NDUFB3: variants seen among roughly 807,000 people sequenced by gnomAD.
NDUFB3 encodes NADH dehydrogenase [ubiquinone] 1 beta subcomplex subunit 3.
Under a neutral mutation model 9.0 loss-of-function variants are expected in NDUFB3, and 7 were observed. The observed-to-expected ratio is 0.78, with a 90% CI of 0.44 to 1.46. The LOEUF is 1.46. Ranked by LOEUF, NDUFB3 falls within the 40% of genes most tolerant of loss-of-function variation. The pLI, the probability that NDUFB3 is intolerant of heterozygous loss-of-function variation, is 0.01. For synonymous variants in NDUFB3, 29 were observed against 38.5 expected (o/e 0.75, Z 0.91); for missense variants, 93 against 115.4 (o/e 0.81, Z 0.89).
intron 1 of NDUFB3, among the ~76,000 whole-genome samples, chr2:201,073,470 TA>T (rs1187485935): frequency 6.6e-6 from 1 of 152,178 alleles, no homozygotes; most frequent in Non-Finnish European, 1.5e-5. Context: ...AAGGTTCTTT[TA>T]AAAACATATT....
At chr2:201,078,030 C>T (rs1054130679) in intron 1 of NDUFB3, among the ~76,000 whole-genome samples, 21 of 151,956 alleles carry the variant, frequency 1.4e-4, no homozygotes, top group African/African-American at 4.3e-4. Context: ...GGGCCGGGTG[C>T]GGTGGCTCAC....
intron 1 of NDUFB3, among the ~76,000 whole-genome samples, chr2:201,072,882 CAG>C (rs1419590480): frequency 1.3e-5 from 2 of 152,038 alleles, no homozygotes; most frequent in African/African-American, 4.8e-5. Context: ...GCAGTCTTAA[CAG>C]GGGTGATTTT....
At chr2:201,081,797 C>T (rs1316091460) in intron 2 of NDUFB3, among the ~76,000 whole-genome samples, 2 of 150,132 alleles carry the variant, frequency 1.3e-5, no homozygotes, top group Non-Finnish European at 3.0e-5. Flanking sequence ...TACAGACGTG[C>T]ACCACCACGC....
intron 2 of NDUFB3, among the ~76,000 whole-genome samples, chr2:201,082,596 A>T (rs2047239465): frequency 6.6e-6 from 1 of 152,014 alleles, no homozygotes; most frequent in African/African-American, 2.4e-5. Context: ...GCTATTGTAA[A>T]TAGTATTTTA....
intron 1 of NDUFB3, among the ~76,000 whole-genome samples, chr2:201,073,623 C>T (rs936055731): frequency 6.6e-6 from 1 of 152,006 alleles, no homozygotes; most frequent in Non-Finnish European, 1.5e-5. Context: ...AAAAAATTAG[C>T]CGGGTGTGGT....
intron 2 of NDUFB3, among the ~76,000 whole-genome samples, chr2:201,083,441 G>C (rs2047254730): frequency 6.9e-6 from 1 of 145,044 alleles, no homozygotes; most frequent in Admixed American, 7.3e-5. Flanking sequence ...CGCAACCTCT[G>C]CCTACCAGGT....
intron 1 of NDUFB3, among the ~76,000 whole-genome samples, chr2:201,074,342 C>T (rs2047135312): frequency 6.6e-6 from 1 of 151,894 alleles, no homozygotes; most frequent in Admixed American, 6.6e-5. Context: ...TCCCAGTTCC[C>T]AACTGCACCA....
chr2:201,079,907 G>A (rs1046247187), intron 2 of NDUFB3: 6 of 152,132 alleles, frequency 3.9e-5, no homozygotes, highest in Admixed American at 2.0e-4. Flanking sequence ...CCCTGTGCAA[G>A]GATTTAAAAC....
At position 201,076,455 on chromosome 2, in the gene NDUFB3, A is replaced by G. The variant is rs537963439; in HGVS notation, c.-2-2426A>G. On this transcript the variant is annotated intron_variant, in intron 1 of 2. Coordinates refer to ENST00000237889, the MANE Select transcript of NDUFB3 (RefSeq NM_002491.3). ...CAGGAGTTTGAGGCTGCAGTGAGCT[A>G]TGATCCAGAGCAAGACCCTCTATCT... Among the ~76,000 whole-genome samples the G allele has an allele frequency of 1.0e-3, 153 of 146,998 alleles. 1 individual carries two copies. Among genetic ancestry groups the G allele is most frequent in the African/African-American group, 3.7e-3 (148 of 40,104 alleles).
At chr2:201,081,805 C>G (rs1236454292) in intron 2 of NDUFB3, among the ~76,000 whole-genome samples, 1 of 148,060 alleles carries the variant, frequency 6.8e-6, no homozygotes, top group African/African-American at 2.5e-5. Flanking sequence ...TGCACCACCA[C>G]GCCCAGCTAA....
intron 1 of NDUFB3, chr2:201,072,327 T>C (rs963456997): frequency 6.6e-6 from 1 of 152,196 alleles, no homozygotes; most frequent in Non-Finnish European, 1.5e-5. Flanking sequence ...TGTTTGCCTT[T>C]GGATCGCAAA....
intron 1 of NDUFB3, 39 bp downstream of exon 1, chr2:201,072,098 T>C (rs926442830): frequency 6.6e-6 from 1 of 152,202 alleles, no homozygotes; most frequent in African/African-American, 2.4e-5. Flanking sequence ...TTGATTAGGA[T>C]TAAGAGCTAG....
At chr2:201,082,381 C>G (rs944104193) in intron 2 of NDUFB3, among the ~76,000 whole-genome samples, 7 of 151,984 alleles carry the variant, frequency 4.6e-5, no homozygotes, top group Non-Finnish European at 1.0e-4. Flanking sequence ...CCTCCCACCT[C>G]AGCCTCCCGA....
chr2:201,084,514 G>A (rs1202197843), intron 2 of NDUFB3, among the ~76,000 whole-genome samples: 1 of 151,320 alleles, frequency 6.6e-6, no homozygotes, highest in Admixed American at 6.6e-5. Context: ...GTGTGTGCCT[G>A]TAATCCCAGC....
At chr2:201,074,282 C>T (rs201251422) in intron 1 of NDUFB3, among the ~76,000 whole-genome samples, 30 of 151,816 alleles carry the variant, frequency 2.0e-4, no homozygotes, top group East Asian at 1.8e-3. Context: ...TTTCTAATAA[C>T]GATTTGATCA....
chr2:201,076,475 C>G (rs1415292719), intron 1 of NDUFB3, among the ~76,000 whole-genome samples: 1 of 111,896 alleles, frequency 8.9e-6, no homozygotes, highest in African/African-American at 3.5e-5. Flanking sequence ...GCAAGACCCT[C>G]TATCTTTAAA....
At chr2:201,076,380 A>C (rs2047162840) in intron 1 of NDUFB3, among the ~76,000 whole-genome samples, 1 of 150,266 alleles carries the variant, frequency 6.7e-6, no homozygotes, top group South Asian at 2.1e-4. Context: ...CGTTGTGCAC[A>C]CTCCAGTCCT....
At chr2:201,076,398 C>A (rs2047163023) in intron 1 of NDUFB3, among the ~76,000 whole-genome samples, 1 of 150,798 alleles carries the variant, frequency 6.6e-6, no homozygotes, top group Admixed American at 6.6e-5. Flanking sequence ...CCTAGCTACT[C>A]AGGAGGCTGA....
chr2:201,076,133 A>G (rs1198358368), intron 1 of NDUFB3, among the ~76,000 whole-genome samples: 1 of 152,160 alleles, frequency 6.6e-6, no homozygotes, highest in African/African-American at 2.4e-5. Context: ...AATGGGTTAA[A>G]TGTTTCATTC....
Sources: allele counts gnomAD v4.1 joint callset (sites outside exome capture counted in the v4.1 genomes callset), GRCh38; gene constraint gnomAD v4.1.1; transcripts MANE v1.5; gene names NCBI Gene and HGNC (gene_info 2026-07-23, HGNC 2026-07-21).